The following BCL2L13 variants were observed in gnomAD, a reference collection of about 807,000 sequenced individuals.
BCL2L13 encodes the protein BCL2 like 13.
A neutral mutation model predicts 25.8 loss-of-function variants in BCL2L13; 13 were observed. The observed-to-expected ratio is 0.50, with a 90% CI of 0.33 to 0.80. The LOEUF (loss-of-function observed/expected upper bound fraction) is 0.80. Among genes scored for constraint, BCL2L13 ranks in the 30% least tolerant of loss-of-function variants. The pLI is 0.02. For synonymous variants in BCL2L13, 244 were observed against 230.3 expected, an observed-to-expected ratio of 1.06 and a Z score of -0.54; for missense variants, 504 against 574.9, an observed-to-expected ratio of 0.88 and a Z score of 1.26.
rs372765646 is a variant in BCL2L13, at chr22:17,688,768, G to GTT, written c.230-203_230-202dup. ...TTATAGCGCAACTTTTGATATTGTT[G>GTT]TTTTTTTTTTTTTTTTGAGACGGAG... On this transcript the variant is annotated intron_variant, in intron 3 of 6. Coordinates refer to ENST00000317582, the MANE Select transcript of BCL2L13 (RefSeq NM_015367.4). 6.2e-3 allele frequency among the ~76,000 whole-genome samples: 822 copies of GTT among 133,536 alleles called. 12 individuals carry two copies. Among genetic ancestry groups the GTT allele is most frequent in the Non-Finnish European group, 9.8e-3 (606 of 62,130 alleles). The allele number at this position is 133,536 out of a possible 152,430, so 87.6% of individuals were successfully genotyped here.
intron 2 of BCL2L13, among the ~76,000 whole-genome samples, chr22:17,664,215 C>G (rs1019274054): frequency 6.6e-6 from 1 of 151,998 alleles, no homozygotes; most frequent in Non-Finnish European, 1.5e-5. Context: ...GAACTCCTGA[C>G]CTCAGGTGAT....
At chr22:17,666,249 A>G (rs1376117114) in intron 2 of BCL2L13, among the ~76,000 whole-genome samples, 1 of 151,766 alleles carries the variant, frequency 6.6e-6, no homozygotes, top group African/African-American at 2.4e-5. Context: ...GTAGGTGTAT[A>G]TATATATTTA....
intron 6 of BCL2L13, among the ~76,000 whole-genome samples, chr22:17,724,287 A>G (rs1340813722): frequency 6.6e-6 from 1 of 152,148 alleles, no homozygotes; most frequent in Non-Finnish European, 1.5e-5. Context: ...AATACAACAA[A>G]AACAATCTTA....
intron 2 of BCL2L13, among the ~76,000 whole-genome samples, chr22:17,678,176 C>T (rs2059629813): frequency 1.3e-5 from 2 of 152,124 alleles, no homozygotes; most frequent in Non-Finnish European, 2.9e-5. Flanking sequence ...GAACATGCCA[C>T]TGTGCTCAGC....
intron 2 of BCL2L13, 66 bp from the exon 3 acceptor site, chr22:17,683,148 A>T: frequency 5.7e-6 from 5 of 876,356 alleles, no homozygotes; most frequent in Non-Finnish European, 7.2e-6. Flanking sequence ...AAAAAAAAAA[A>T]GTGCTATTAT....
At position 17,644,523 on chromosome 22, in the gene BCL2L13, G is replaced by C. The variant is rs931308438; in HGVS notation, c.-51+5637G>C. Among the ~76,000 whole-genome samples the C allele has an allele frequency of 5.4e-4, 81 of 150,816 alleles. 5 individuals carry two copies. The highest frequency in any genetic ancestry group is 1.9e-3 in the African/African-American group (78 of 40,408). ...ATTTTTGTATTTTTAGTAGAGACAG[G>C]GTTTCACCACGTTGGCCAGGATGGT... On this transcript the variant is annotated intron_variant, in intron 1 of 6. Transcript: ENST00000317582.
At chr22:17,645,562 T>C (rs2146423019) in intron 1 of BCL2L13, among the ~76,000 whole-genome samples, 1 of 151,688 alleles carries the variant, frequency 6.6e-6, no homozygotes, top group South Asian at 2.1e-4. Flanking sequence ...CTTCTGATTA[T>C]GTTTCATAAA....
intron 6 of BCL2L13, among the ~76,000 whole-genome samples, chr22:17,723,063 C>G (rs1250174591): frequency 6.6e-6 from 1 of 152,132 alleles, no homozygotes; most frequent in Non-Finnish European, 1.5e-5. Flanking sequence ...AAAATCCTTG[C>G]AAAATGTGTA....
intron 6 of BCL2L13, among the ~76,000 whole-genome samples, chr22:17,710,346 C>T (rs574195084): frequency 1.4e-3 from 219 of 151,898 alleles, no homozygotes; most frequent in Middle Eastern, 3.4e-3. Context: ...TTCGGGAGGC[C>T]GAGGCAGGCA....
At chr22:17,719,441 A>G (rs2535677) in intron 6 of BCL2L13, among the ~76,000 whole-genome samples, 130,397 of 152,146 alleles carry the variant, frequency 0.86, 56,031 homozygotes, top group East Asian at 0.94. Flanking sequence ...AATAATAAAA[A>G]CATTCAAACA....
intron 1 of BCL2L13, among the ~76,000 whole-genome samples, chr22:17,655,042 G>A (rs1237800316): frequency 1.4e-5 from 2 of 145,156 alleles, no homozygotes; most frequent in African/African-American, 2.6e-5. Flanking sequence ...TATTTTATAA[G>A]CTTTTTTCTG....
At chr22:17,646,955 A>ATATATATTT (rs768488873) in intron 1 of BCL2L13, among the ~76,000 whole-genome samples, 43 of 22,186 alleles carry the variant, frequency 1.9e-3, no homozygotes, top group East Asian at 5.5e-3. Context: ...ATATATATAT[A>ATATATATTT]TTTTTTTTTT....
intron 2 of BCL2L13, among the ~76,000 whole-genome samples, chr22:17,669,226 G>T (rs995229063): frequency 1.3e-5 from 2 of 151,870 alleles, no homozygotes; most frequent in African/African-American, 4.8e-5. Flanking sequence ...TAGAGACGGG[G>T]TTTCACCATG....
chr22:17,680,785 ATAATGAGGCTGGTG>A (rs2059729088), intron 2 of BCL2L13, among the ~76,000 whole-genome samples: 1 of 152,126 alleles, frequency 6.6e-6, no homozygotes, highest in Non-Finnish European at 1.5e-5. Flanking sequence ...TTTTAGTATT[ATAATGAGGCTGGTG>A]ATTAGGATTG....
intron 6 of BCL2L13, among the ~76,000 whole-genome samples, chr22:17,720,674 T>G (rs2061097069): frequency 6.6e-6 from 1 of 151,478 alleles, no homozygotes; most frequent in South Asian, 2.1e-4. Flanking sequence ...CTTAATTTTT[T>G]TTTTTTTTTT....
At chr22:17,673,216 G>A (rs921610662) in intron 2 of BCL2L13, among the ~76,000 whole-genome samples, 4 of 151,968 alleles carry the variant, frequency 2.6e-5, no homozygotes, top group Non-Finnish European at 4.4e-5. Flanking sequence ...TAATAGTGGA[G>A]GTCTTATTCT....
chr22:17,642,517 A>G (rs981216649), intron 1 of BCL2L13, among the ~76,000 whole-genome samples: 6 of 152,046 alleles, frequency 3.9e-5, no homozygotes, highest in African/African-American at 1.2e-4. Flanking sequence ...TGTAGTGTGT[A>G]TCAGTACTTT....
At position 17,671,369 on chromosome 22, in the gene BCL2L13, G is replaced by C. The variant is rs191966757; in HGVS notation, c.122-11845G>C. Among the ~76,000 whole-genome samples the C allele has an allele frequency of 2.1e-3, 292 of 137,008 alleles. 3 individuals carry two copies. In the East Asian group the frequency reaches 0.052, roughly 24 times the overall value. 89.9% of individuals were successfully genotyped at this position (137,008 alleles called of 152,430 possible). On this transcript the variant is annotated intron_variant, in intron 2 of 6. Transcript: ENST00000317582. ...AGATCACGCCACTGCACTCCAGCCT[G>C]GGTGACAGAGCGAGACTCCATCTCA...
chr22:17,639,536 G>T (rs913862327), intron 1 of BCL2L13, among the ~76,000 whole-genome samples: 1 of 152,148 alleles, frequency 6.6e-6, no homozygotes, highest in Non-Finnish European at 1.5e-5. Flanking sequence ...CTCTAACCTA[G>T]CGTTGAAAAT....
Sources: gnomAD v4.1 joint callset for allele counts (sites outside exome capture counted in the v4.1 genomes callset) on GRCh38, gnomAD v4.1.1 for gene constraint, MANE v1.5 for transcripts, NCBI Gene and HGNC (gene_info 2026-07-23, HGNC 2026-07-21) for gene names.